ERBB4: variants seen among roughly 807,000 people sequenced by gnomAD.
ERBB4 encodes the protein receptor tyrosine-protein kinase erbB-4.
ERBB4 carries 42 observed loss-of-function variants against 158.0 expected under a neutral mutation model. The ratio of observed to expected loss-of-function variants is 0.27; its 90% confidence interval spans 0.21 to 0.34. The LOEUF is 0.34. ERBB4 is among the 10% of genes least tolerant of loss of function. The pLI, the probability that ERBB4 is intolerant of heterozygous loss-of-function variation, is 1.00. For synonymous variants in ERBB4, 583 were observed against 558.7 expected (o/e 1.04, Z -0.61); for missense variants, 1,333 against 1,624.1 (o/e 0.82, Z 3.08).
At chr2:211,666,370 A>T (rs2071628993) in intron 14 of ERBB4, among the ~76,000 whole-genome samples, 1 of 151,966 alleles carries the variant, frequency 6.6e-6, no homozygotes, top group South Asian at 2.1e-4. Flanking sequence ...AATAGAACAA[A>T]CTCATTCTAT....
At chr2:212,399,545 C>CATATATATATATATACATATATAT (rs2091132872) in intron 1 of ERBB4, among the ~76,000 whole-genome samples, 18 of 38,048 alleles carry the variant, frequency 4.7e-4, no homozygotes, top group Non-Finnish European at 8.4e-4. Context: ...TTTATATATA[C>CATATATATATATATACATATATAT]ATATATATAT....
At chr2:211,565,680 A>C (rs1033096839) in intron 19 of ERBB4, among the ~76,000 whole-genome samples, 1 of 152,192 alleles carries the variant, frequency 6.6e-6, no homozygotes, top group African/African-American at 2.4e-5. Context: ...GTTATTCACA[A>C]ATATGCAGTG....
chr2:211,536,998 C>A (rs1032409089), intron 20 of ERBB4, among the ~76,000 whole-genome samples: 1 of 151,952 alleles, frequency 6.6e-6, no homozygotes, highest in East Asian at 1.9e-4. Flanking sequence ...AAAAGCTTTT[C>A]TTTATTCCTT....
At chr2:211,703,553 C>A (rs1416174964) in intron 11 of ERBB4, among the ~76,000 whole-genome samples, 1 of 152,138 alleles carries the variant, frequency 6.6e-6, no homozygotes, top group Non-Finnish European at 1.5e-5. Flanking sequence ...TCAGAGAAAT[C>A]TTTTACTCTT....
At chr2:212,370,859 A>C (rs972926701) in intron 1 of ERBB4, among the ~76,000 whole-genome samples, 4 of 152,164 alleles carry the variant, frequency 2.6e-5, no homozygotes, top group African/African-American at 9.7e-5. Flanking sequence ...CCCACTTCTC[A>C]GTCTTTACCT....
chr2:211,395,105 T>C (rs182649799), intron 25 of ERBB4, among the ~76,000 whole-genome samples: 7 of 152,228 alleles, frequency 4.6e-5, no homozygotes, highest in Non-Finnish European at 7.4e-5. Flanking sequence ...GCAAAGTATC[T>C]TATAAAGTTT....
chr2:212,051,052 T>A (rs950833226), intron 2 of ERBB4, among the ~76,000 whole-genome samples: 1 of 152,152 alleles, frequency 6.6e-6, no homozygotes, highest in Non-Finnish European at 1.5e-5. Flanking sequence ...GGCACTGCCA[T>A]GAAAAGTCCA....
At chr2:211,649,580 G>T (rs2070906869) in intron 16 of ERBB4, among the ~76,000 whole-genome samples, 1 of 151,726 alleles carries the variant, frequency 6.6e-6, no homozygotes. Context: ...GCTCTGTTCA[G>T]GAAAAAACAT....
chr2:211,766,423 C>G (rs1394109384), intron 4 of ERBB4, among the ~76,000 whole-genome samples: 3 of 152,032 alleles, frequency 2.0e-5, no homozygotes, highest in Non-Finnish European at 4.4e-5. Flanking sequence ...TGAGGGAACA[C>G]CAATAGGAGA....
chr2:212,170,128 A>G (rs915470645), intron 1 of ERBB4, among the ~76,000 whole-genome samples: 1 of 152,200 alleles, frequency 6.6e-6, no homozygotes, highest in Non-Finnish European at 1.5e-5. Flanking sequence ...AAAGTTTGGA[A>G]CTTCATAGAG....
chr2:212,098,220 C>T (rs2078985724), intron 2 of ERBB4, among the ~76,000 whole-genome samples: 1 of 152,126 alleles, frequency 6.6e-6, no homozygotes, highest in Admixed American at 6.5e-5. Context: ...AACTAATTTA[C>T]ATTACATTTC....
At chr2:211,921,023 T>C (rs2079845977) in intron 3 of ERBB4, among the ~76,000 whole-genome samples, 1 of 152,110 alleles carries the variant, frequency 6.6e-6, no homozygotes, top group Non-Finnish European at 1.5e-5. Context: ...GATATAAATG[T>C]TTTTAAGATG....
intron 6 of ERBB4, among the ~76,000 whole-genome samples, chr2:211,724,830 T>C (rs545750604): frequency 6.6e-6 from 1 of 152,302 alleles, no homozygotes; most frequent in East Asian, 1.9e-4. Flanking sequence ...TCTCAATATG[T>C]TCTCCAATGA....
At chr2:211,615,744 T>C (rs906665878) in intron 19 of ERBB4, among the ~76,000 whole-genome samples, 12 of 152,176 alleles carry the variant, frequency 7.9e-5, no homozygotes, top group African/African-American at 2.4e-4. Context: ...ATTGTGGTGA[T>C]AAATTTTGAG....
chr2:211,880,641 C>G (rs1183793709), intron 3 of ERBB4, among the ~76,000 whole-genome samples: 1 of 152,052 alleles, frequency 6.6e-6, no homozygotes, highest in Non-Finnish European at 1.5e-5. Context: ...CCCTAGGAAC[C>G]ATTAAGACAT....
At chr2:211,450,033 T>C (rs2064205824) in intron 20 of ERBB4, among the ~76,000 whole-genome samples, 1 of 152,188 alleles carries the variant, frequency 6.6e-6, no homozygotes, top group African/African-American at 2.4e-5. Context: ...TTACAAATAA[T>C]GAAACTGAGG....
At chr2:211,761,836 G>C (rs1051781895) in intron 4 of ERBB4, among the ~76,000 whole-genome samples, 21 of 152,076 alleles carry the variant, frequency 1.4e-4, no homozygotes, top group African/African-American at 5.1e-4. Context: ...CTCACAAAAT[G>C]CAAAAAATAC....
At chr2:212,173,061 G>A (rs1188938151) in intron 1 of ERBB4, among the ~76,000 whole-genome samples, 1 of 152,014 alleles carries the variant, frequency 6.6e-6, no homozygotes, top group African/African-American at 2.4e-5. Context: ...TGTAGAATAT[G>A]GGTTCATTTT....
chr2:211,946,249 T>C, intron 3 of ERBB4, among the ~76,000 whole-genome samples: 1 of 152,014 alleles, frequency 6.6e-6, no homozygotes, highest in Non-Finnish European at 1.5e-5. Flanking sequence ...ACCCAAAATA[T>C]CCCAATTTTA....
Sources: gnomAD v4.1 joint callset for allele counts (sites outside exome capture counted in the v4.1 genomes callset) on GRCh38, gnomAD v4.1.1 for gene constraint, MANE v1.5 for transcripts, NCBI Gene and HGNC (gene_info 2026-07-23, HGNC 2026-07-21) for gene names.